ABLIM1: variants seen among roughly 807,000 people sequenced by gnomAD.
ABLIM1 encodes the protein actin binding LIM protein 1.
Under a neutral mutation model 107.0 loss-of-function variants are expected in ABLIM1, and 40 were observed. That is an observed-to-expected ratio of 0.37 (90% CI 0.29 to 0.49). The LOEUF (loss-of-function observed/expected upper bound fraction) is 0.49, where lower values mean the gene tolerates loss of function less well. Among genes scored for constraint, ABLIM1 ranks in the 20% least tolerant of loss-of-function variants. ABLIM1 has a pLI of 0.97. For missense variants in ABLIM1, 857 were observed against 1,008.5 expected (o/e 0.85, Z 2.04); for synonymous variants, 357 against 357.3 (o/e 1.00, Z 0.01).
intron 1 of ABLIM1, among the ~76,000 whole-genome samples, chr10:114,764,483 AG>A (rs1460542804): frequency 6.6e-6 from 1 of 152,144 alleles, no homozygotes; most frequent in Non-Finnish European, 1.5e-5. Flanking sequence ...CTGGGATTAC[AG>A]GCGTGTGCCA....
At chr10:114,791,706 A>AT in the ABLIM1 span, among the ~76,000 whole-genome samples, 2 of 152,230 alleles carry the variant, frequency 1.3e-5, no homozygotes, top group South Asian at 4.1e-4. Context: ...AGTTGTGCAG[A>AT]TTTTTTAAAT....
At chr10:114,788,334 T>TAAAAAAAA in the ABLIM1 span, among the ~76,000 whole-genome samples, 1 of 131,298 alleles carries the variant, frequency 7.6e-6, no homozygotes, top group East Asian at 2.2e-4. Flanking sequence ...AATAAAAAAA[T>TAAAAAAAA]AAAAAAAAAA....
the ABLIM1 span, among the ~76,000 whole-genome samples, chr10:114,784,541 C>T: frequency 6.7e-6 from 1 of 150,198 alleles, no homozygotes; most frequent in East Asian, 2.0e-4. Context: ...GTGGCGGGCG[C>T]CTGTAATCCC....
intron 12 of ABLIM1, chr10:114,463,148 A>G (rs1017144189): frequency 3.1e-6 from 4 of 1,306,630 alleles, no homozygotes; most frequent in Non-Finnish European, 4.0e-6. Context: ...ACCTCTGCAC[A>G]CCAGGAGACA....
intron 6 of ABLIM1, among the ~76,000 whole-genome samples, chr10:114,500,684 A>C (rs896949449): frequency 1.4e-5 from 1 of 69,356 alleles, no homozygotes; most frequent in Non-Finnish European, 3.2e-5. Context: ...GTGTCGAAAG[A>C]AAAAAAAAAA....
In ABLIM1 at chr10:114,474,466, C is replaced by T. The variant is rs541149802; in HGVS notation, c.1042-510G>A. Among the ~76,000 whole-genome samples, 8 of 149,954 alleles carry T rather than the reference C, an allele frequency of 5.3e-5. No homozygotes were observed. The East Asian group carries it at 9.8e-4, about 18-fold the overall frequency. On this transcript the variant is annotated intron_variant, in intron 8 of 22. Coordinates refer to ENST00000533213, the MANE Select transcript of ABLIM1 (RefSeq NM_002313.7). Reference sequence around the variant, plus strand: ...TGCGATCTTGGCTCACTGCAAGCTCCGCCTCCCAGGTTCACACTTTTCTCC... The same window carrying T: ...TGCGATCTTGGCTCACTGCAAGCTCTGCCTCCCAGGTTCACACTTTTCTCC...
At chr10:114,504,231 T>C (rs1247794424) in intron 6 of ABLIM1, among the ~76,000 whole-genome samples, 5 of 152,188 alleles carry the variant, frequency 3.3e-5, no homozygotes, top group South Asian at 4.1e-4. Flanking sequence ...TGTTCTGTAG[T>C]TGAATGTTTA....
At chr10:114,626,890 T>A (rs1427270515) in intron 1 of ABLIM1, among the ~76,000 whole-genome samples, 1 of 152,158 alleles carries the variant, frequency 6.6e-6, no homozygotes, top group Non-Finnish European at 1.5e-5. Context: ...CCTGTGAACA[T>A]GAAGGCAGTT....
chr10:114,531,857 G>T (rs2065483829), intron 6 of ABLIM1, among the ~76,000 whole-genome samples: 1 of 151,138 alleles, frequency 6.6e-6, no homozygotes, highest in Non-Finnish European at 1.5e-5. Context: ...ATCAAGTCCT[G>T]GTGTGTCTAT....
At chr10:114,449,560 G>A (rs1222238786) in intron 14 of ABLIM1, among the ~76,000 whole-genome samples, 1 of 152,156 alleles carries the variant, frequency 6.6e-6, no homozygotes, top group Non-Finnish European at 1.5e-5. Context: ...TGAGACTATG[G>A]GTGTGGGCCA....
At chr10:114,519,923 G>T (rs924648046) in intron 6 of ABLIM1, among the ~76,000 whole-genome samples, 2 of 152,260 alleles carry the variant, frequency 1.3e-5, no homozygotes, top group Non-Finnish European at 2.9e-5. Context: ...ACTGGATTAT[G>T]TGCCAAGGAA....
Position 114,431,213 on chromosome 10 carries a change from G to A in ABLIM1, c.*5047C>T, listed in dbSNP as rs2058818173. 6.6e-6 allele frequency: 1 copy of A among 152,320 alleles called. No individual in the cohort carries two copies. Among genetic ancestry groups the A allele is most frequent in the Non-Finnish European group, 1.5e-5 (1 of 68,126 alleles). The allele number at this position is 152,320 out of a possible 1,614,324, so 9.4% of individuals were successfully genotyped here. A position where few individuals can be genotyped will look rare whatever the true frequency, so the allele number is the denominator to read the frequency against. ...GTGAGTGCTGCTGGCAACAGGAGCGGGGAGCAGGTAGGGATCACAGGCACA... is the reference window on the plus strand; with the variant it reads ...GTGAGTGCTGCTGGCAACAGGAGCGAGGAGCAGGTAGGGATCACAGGCACA... On this transcript the variant is annotated 3_prime_UTR_variant, in exon 23 of 23. Transcript: ENST00000533213.
chr10:114,784,659 T>A, the ABLIM1 span, among the ~76,000 whole-genome samples: 3 of 93,982 alleles, frequency 3.2e-5, no homozygotes, highest in African/African-American at 1.3e-4. Context: ...AGAGGGAGAC[T>A]CACCTCAAAA....
intron 2 of ABLIM1, among the ~76,000 whole-genome samples, chr10:114,591,239 G>A (rs1254955019): frequency 6.6e-6 from 1 of 152,060 alleles, no homozygotes; most frequent in African/African-American, 2.4e-5. Context: ...ATCAGGATGG[G>A]TGTTTCTTGG....
intron 4 of ABLIM1, among the ~76,000 whole-genome samples, chr10:114,550,850 C>G (rs1435456874): frequency 1.3e-5 from 2 of 152,094 alleles, no homozygotes; most frequent in Non-Finnish European, 2.9e-5. Context: ...TACATAATTC[C>G]CACTAGGTGG....
rs572335020 is a variant in ABLIM1 at position 114,547,638 on chromosome 10, G to T, written c.800+12C>A. The T allele has an allele frequency of 1.2e-6, 2 of 1,613,096 alleles. No homozygotes were observed. Among genetic ancestry groups the T allele is most frequent in the Non-Finnish European group, 8.5e-7 (1 of 1,179,896 alleles). ...CCCACTGAAAGGAACGCGTGCCCGC[G>T]CCCAGCCTTACTTGCTGATGTACTC... On this transcript the variant is annotated intron_variant, in intron 5 of 22. Transcript: ENST00000533213.
chr10:114,617,408 C>T (rs936141549), intron 1 of ABLIM1, among the ~76,000 whole-genome samples: 3 of 151,856 alleles, frequency 2.0e-5, no homozygotes, highest in African/African-American at 2.4e-5. Context: ...ATTACAGGTG[C>T]GTGCCAACAC....
intron 1 of ABLIM1, among the ~76,000 whole-genome samples, chr10:114,698,932 TA>T (rs769351): frequency 0.022 from 3,293 of 152,094 alleles, 39 homozygotes; most frequent in Middle Eastern, 0.054. Context: ...AAAATGGGAT[TA>T]GGGGGAATCC....
intron 4 of ABLIM1, among the ~76,000 whole-genome samples, chr10:114,554,072 G>A (rs971220916): frequency 1.4e-4 from 21 of 152,166 alleles, no homozygotes; most frequent in African/African-American, 5.1e-4. Flanking sequence ...GCTGCAAGAG[G>A]TTAATCAGAA....
Sources: allele counts gnomAD v4.1 joint callset (sites outside exome capture counted in the v4.1 genomes callset), GRCh38; gene constraint gnomAD v4.1.1; transcripts MANE v1.5; gene names NCBI Gene and HGNC (gene_info 2026-07-23, HGNC 2026-07-21).